MYBPC1: variants seen among roughly 807,000 people sequenced by gnomAD.
MYBPC1 encodes myosin binding protein C1.
MYBPC1 carries 52 observed loss-of-function variants against 147.1 expected under a neutral mutation model. The observed-to-expected ratio is 0.35, with a 90% confidence interval of 0.28 to 0.45. The LOEUF is 0.45. Ranked by LOEUF, MYBPC1 falls within the 20% of genes least tolerant of loss-of-function variation. The pLI is 1.00. For synonymous variants in MYBPC1, 477 were observed against 475.9 expected, an observed-to-expected ratio of 1.00 and a Z score of -0.03; for missense variants, 1,228 against 1,440.3, an observed-to-expected ratio of 0.85 and a Z score of 2.39.
chr12:101,662,588 C>T (rs202147475), intron 21 of MYBPC1, 42 bp downstream of exon 21: 70 of 1,600,072 alleles, frequency 4.4e-5, no homozygotes, highest in Non-Finnish European at 5.1e-5. Context: ...GAATCATTGC[C>T]CCAGAGTATG....
intron 3 of MYBPC1, among the ~76,000 whole-genome samples, chr12:101,620,045 T>TTTGC (rs1026059658): frequency 9.2e-5 from 14 of 152,312 alleles, no homozygotes; most frequent in Admixed American, 5.9e-4. Context: ...TTTATGATTG[T>TTTGC]TTGCTTGCTT....
chr12:101,678,626 T>C (rs1168588848), intron 28 of MYBPC1, among the ~76,000 whole-genome samples: 2 of 152,216 alleles, frequency 1.3e-5, no homozygotes, highest in South Asian at 2.1e-4. Context: ...ACAATTACAC[T>C]ACACTGTAAG....
At chr12:101,637,732 G>A (rs1203315510) in intron 10 of MYBPC1, among the ~76,000 whole-genome samples, 4 of 152,084 alleles carry the variant, frequency 2.6e-5, no homozygotes, top group African/African-American at 9.7e-5. Context: ...GAAATATACT[G>A]GGATTGTGTT....
At chr12:101,601,022 T>A (rs911724602) in intron 1 of MYBPC1, among the ~76,000 whole-genome samples, 1 of 152,218 alleles carries the variant, frequency 6.6e-6, no homozygotes, top group Admixed American at 6.5e-5. Flanking sequence ...CTGGGGAAAC[T>A]GAATAAATAC....
chr12:101,684,235 C>T (rs1951211266), intron 30 of MYBPC1, 147 bp from the exon 31 acceptor site: 1 of 708,250 alleles, frequency 1.4e-6, no homozygotes, highest in African/African-American at 1.7e-5. Context: ...CTTCTATTTT[C>T]CTACATCTTT....
At chr12:101,680,968 G>C (rs1172099400) in intron 29 of MYBPC1, among the ~76,000 whole-genome samples, 1 of 151,966 alleles carries the variant, frequency 6.6e-6, no homozygotes, top group Non-Finnish European at 1.5e-5. Flanking sequence ...TGTAAAGTTT[G>C]TTATTTTCTG....
chr12:101,682,466 T>C, intron 29 of MYBPC1, 138 bp from the exon 30 acceptor site: 2 of 775,672 alleles, frequency 2.6e-6, no homozygotes, highest in East Asian at 5.4e-5. Flanking sequence ...CTTTTGGTCC[T>C]AAAAGTAAAG....
At chr12:101,626,088 C>CACAAAAAAAA (rs1888527713) in intron 3 of MYBPC1, among the ~76,000 whole-genome samples, 2 of 55,076 alleles carry the variant, frequency 3.6e-5, no homozygotes, top group African/African-American at 1.3e-4. Context: ...AACTCTGTCT[C>CACAAAAAAAA]AAAAAAAAAA....
intron 24 of MYBPC1, 80 bp from the exon 25 acceptor site, chr12:101,673,347 A>T: frequency 2.0e-6 from 3 of 1,472,226 alleles, no homozygotes; most frequent in Non-Finnish European, 2.8e-6. Context: ...GGGTTAAGCC[A>T]CTGTCCTTCT....
intron 18 of MYBPC1, among the ~76,000 whole-genome samples, chr12:101,656,736 A>G (rs985601961): frequency 6.6e-6 from 1 of 152,190 alleles, no homozygotes; most frequent in Admixed American, 6.5e-5. Context: ...AAATAGATGC[A>G]TTCACTATTA....
intron 1 of MYBPC1, among the ~76,000 whole-genome samples, chr12:101,613,642 T>G (rs10778129): frequency 0.054 from 8,207 of 152,226 alleles, 443 homozygotes; most frequent in East Asian, 0.26. Flanking sequence ...TTTACCTACT[T>G]GGAAATAGTA....
rs900808511 is a variant in MYBPC1, at chr12:101,682,784, T to C, written c.3492+122T>C. On this transcript the variant is annotated intron_variant, in intron 30 of 31. Coordinates refer to ENST00000361466, the MANE Select transcript of MYBPC1 (RefSeq NM_002465.4). ...GCTTTTAATTGTACCCCTTAGCAGCTCATGGCATACAGTGCTTATGCCATG... is the reference window on the plus strand; with the variant it reads ...GCTTTTAATTGTACCCCTTAGCAGCCCATGGCATACAGTGCTTATGCCATG... The C allele has an allele frequency of 3.3e-6, 3 of 915,922 alleles. No individual in the cohort carries two copies. The African/African-American group carries it at 5.0e-5, about 15-fold the overall frequency. The allele number at this position is 915,922 out of a possible 1,614,324, so 56.7% of individuals were successfully genotyped here.
chr12:101,617,253 A>T lies in MYBPC1; in HGVS notation c.103+10A>T. The T allele has an allele frequency of 6.2e-7, 1 of 1,613,356 alleles. No individual in the cohort carries two copies. Among genetic ancestry groups the T allele is most frequent in the Non-Finnish European group, 8.5e-7 (1 of 1,179,474 alleles). On this transcript the variant is annotated intron_variant, in intron 3 of 31. Transcript: ENST00000361466. The stretch of plus-strand genomic sequence containing the variant: ...ACTACACCAGCAAAAGGTGAGTTGG[A>T]GGGAGGGAGAGTGAGGCTGAAGTCA...
chr12:101,668,194 T>G lies in MYBPC1; in HGVS notation c.2524+295T>G, dbSNP rs556248274. Among the ~76,000 whole-genome samples the G allele has an allele frequency of 5.9e-5, 9 of 152,256 alleles. 1 individual carries two copies. In the South Asian group the frequency reaches 1.9e-3, roughly 32 times the overall value. On this transcript the variant is annotated intron_variant, in intron 23 of 31. Transcript: ENST00000361466. ...TTACAGTGGAGAGAGAGTATGTTCA[T>G]ACAACCATGCAAACAATCCCTACGA...
chr12:101,683,205 G>A (rs1233488698), intron 30 of MYBPC1, among the ~76,000 whole-genome samples: 8 of 152,082 alleles, frequency 5.3e-5, no homozygotes, highest in Non-Finnish European at 2.9e-5. Flanking sequence ...TGAGGTAGGT[G>A]GATCGCTTGA....
intron 13 of MYBPC1, among the ~76,000 whole-genome samples, chr12:101,647,814 G>C (rs146239358): frequency 3.3e-5 from 5 of 152,184 alleles, no homozygotes; most frequent in African/African-American, 9.7e-5. Context: ...TTGAACCTAG[G>C]GGGTGGAGGT....
intron 10 of MYBPC1, among the ~76,000 whole-genome samples, chr12:101,640,194 T>C (rs1891751853): frequency 6.6e-6 from 1 of 152,104 alleles, no homozygotes; most frequent in Non-Finnish European, 1.5e-5. Flanking sequence ...GTATTTTTTG[T>C]AGAGACGGGG....
chr12:101,601,157 A>G (rs2095093706), intron 1 of MYBPC1, among the ~76,000 whole-genome samples: 5 of 152,210 alleles, frequency 3.3e-5, no homozygotes, highest in Admixed American at 3.3e-4. Context: ...ACTGTGAAAA[A>G]GAAGAAAAGA....
At chr12:101,664,576 A>G (rs1453117870) in intron 22 of MYBPC1, 4 of 152,226 alleles carry the variant, frequency 2.6e-5, no homozygotes, top group African/African-American at 7.2e-5. Context: ...CTCACTATGG[A>G]GATGAAACTT....
Sources: allele counts gnomAD v4.1 joint callset (sites outside exome capture counted in the v4.1 genomes callset), GRCh38; gene constraint gnomAD v4.1.1; transcripts MANE v1.5; gene names NCBI Gene and HGNC (gene_info 2026-07-23, HGNC 2026-07-21).